Variants in SLC5A4 observed in about 807,000 individuals in gnomAD.
The protein encoded by SLC5A4 is solute carrier family 5 member 4, also known as probable glucose sensor protein SLC5A4.
A neutral mutation model predicts 70.3 loss-of-function variants in SLC5A4; 55 were observed. The observed-to-expected ratio is 0.78, with a 90% CI of 0.63 to 0.98. The LOEUF is 0.98. Among genes scored for constraint, SLC5A4 ranks in the 50% least tolerant of loss-of-function variants. SLC5A4 has a pLI of 0.00. For missense variants in SLC5A4, 735 were observed against 839.2 expected (o/e 0.88, Z 1.53); for synonymous variants, 268 against 305.7 (o/e 0.88, Z 1.29).
chr22:32,263,688 C>G, the SLC5A4 span, among the ~76,000 whole-genome samples: 1 of 152,144 alleles, frequency 6.6e-6, no homozygotes, highest in Non-Finnish European at 1.5e-5. Flanking sequence ...ACCCAGCAAT[C>G]CCATTACTGG....
chr22:32,342,438 A>C, the SLC5A4 span, among the ~76,000 whole-genome samples: 3 of 152,198 alleles, frequency 2.0e-5, no homozygotes, highest in African/African-American at 7.2e-5. Context: ...AACTATAGAG[A>C]GAAAAAAACC....
the SLC5A4 span, among the ~76,000 whole-genome samples, chr22:32,354,476 C>T: frequency 5.3e-5 from 8 of 150,154 alleles, 1 homozygote; most frequent in South Asian, 1.5e-3. Flanking sequence ...TCCCGCCCAC[C>T]GCAGGCAGAG....
the SLC5A4 span, among the ~76,000 whole-genome samples, chr22:32,345,495 T>C: frequency 6.6e-6 from 1 of 152,114 alleles, no homozygotes; most frequent in Non-Finnish European, 1.5e-5. Flanking sequence ...ATAATTTGAG[T>C]CTTTTCTTCC....
the SLC5A4 span, among the ~76,000 whole-genome samples, chr22:32,312,372 C>CAT: frequency 7.8e-6 from 1 of 127,692 alleles, no homozygotes; most frequent in African/African-American, 2.8e-5. Context: ...CGCGCACACA[C>CAT]ACACACACAC....
At chr22:32,330,919 GAGGCCTCTGGTGTGTATGTGTTGGA>G in the SLC5A4 span, among the ~76,000 whole-genome samples, 4 of 112,072 alleles carry the variant, frequency 3.6e-5, no homozygotes, top group Non-Finnish European at 7.2e-5. Context: ...GTGTGTGTTG[GAGGCCTCTGGTGTGTATGTGTTGGA>G]GGCTCTGGTG....
At chr22:32,323,425 G>C in the SLC5A4 span, among the ~76,000 whole-genome samples, 1 of 152,198 alleles carries the variant, frequency 6.6e-6, no homozygotes, top group Non-Finnish European at 1.5e-5. Flanking sequence ...GATTCTGCAA[G>C]AGGCTGGACA....
chr22:32,254,554 C>T (rs1927359901), intron 1 of SLC5A4, among the ~76,000 whole-genome samples: 1 of 152,106 alleles, frequency 6.6e-6, no homozygotes, highest in Non-Finnish European at 1.5e-5. Context: ...CCTGTAATTC[C>T]AGCACTTTGG....
At chr22:32,257,950 G>A (rs1205969213), upstream of SLC5A4, among the ~76,000 whole-genome samples, 1 of 151,656 alleles carries the variant, frequency 6.6e-6, no homozygotes, top group Admixed American at 6.6e-5. Flanking sequence ...GATTACAGGT[G>A]TGAGCCACCT....
chr22:32,239,570 T>TATATATATATA (rs1555989414), intron 5 of SLC5A4, among the ~76,000 whole-genome samples: 1 of 10,410 alleles, frequency 9.6e-5, no homozygotes. Flanking sequence ...ATATATATAT[T>TATATATATATA]TATATATATA....
the SLC5A4 span, among the ~76,000 whole-genome samples, chr22:32,308,899 CAT>C: frequency 6.6e-6 from 1 of 152,210 alleles, no homozygotes; most frequent in Non-Finnish European, 1.5e-5. Context: ...GCCTGTTGCA[CAT>C]GTTCCCAATA....
At chr22:32,347,329 A>G in the SLC5A4 span, among the ~76,000 whole-genome samples, 1 of 152,150 alleles carries the variant, frequency 6.6e-6, no homozygotes, top group Non-Finnish European at 1.5e-5. Flanking sequence ...TAGAAATACC[A>G]TTTGACCCAG....
chr22:32,263,761 G>T, the SLC5A4 span, among the ~76,000 whole-genome samples: 891 of 152,218 alleles, frequency 5.9e-3, 14 homozygotes, highest in African/African-American at 0.02. Flanking sequence ...TATTTTTATT[G>T]CGGTACTATT....
chr22:32,244,072 C>G (rs1171298832), intron 5 of SLC5A4, among the ~76,000 whole-genome samples: 1 of 152,188 alleles, frequency 6.6e-6, no homozygotes, highest in African/African-American at 2.4e-5. Flanking sequence ...TAAAATCTGA[C>G]ATTTTATCAT....
chr22:32,246,554 G>A (rs1419662366), intron 5 of SLC5A4, among the ~76,000 whole-genome samples: 1 of 152,094 alleles, frequency 6.6e-6, no homozygotes, highest in Non-Finnish European at 1.5e-5. Context: ...TTGAGATGGA[G>A]TCTCACTCTG....
intron 5 of SLC5A4, among the ~76,000 whole-genome samples, chr22:32,246,118 G>A (rs750547613): frequency 7.2e-5 from 11 of 152,204 alleles, no homozygotes; most frequent in Non-Finnish European, 1.5e-4. Context: ...ACATTTACAT[G>A]TATTGTCATA....
chr22:32,258,098 C>G (rs192274377), upstream of SLC5A4, among the ~76,000 whole-genome samples: 126 of 152,252 alleles, frequency 8.3e-4, no homozygotes, highest in African/African-American at 2.9e-3. Flanking sequence ...TGATTCTTCT[C>G]CTGCCTCAGC....
At chr22:32,270,408 C>A in the SLC5A4 span, 1 of 1,457,200 alleles carries the variant, frequency 6.9e-7, no homozygotes, top group Non-Finnish European at 9.6e-7. Context: ...GCTGCTACGA[C>A]ATGTGGACAG....
chr22:32,301,099 C>A, the SLC5A4 span, among the ~76,000 whole-genome samples: 18 of 151,998 alleles, frequency 1.2e-4, no homozygotes, highest in African/African-American at 4.4e-4. Context: ...AGTAGCTGGG[C>A]TTACAGGCGC....
At chr22:32,299,414 A>T in the SLC5A4 span, among the ~76,000 whole-genome samples, 1 of 113,852 alleles carries the variant, frequency 8.8e-6, no homozygotes, top group Non-Finnish European at 1.9e-5. Flanking sequence ...TTCATCTTCC[A>T]TCGCTGACAC....
Sources: allele counts gnomAD v4.1 joint callset (sites outside exome capture counted in the v4.1 genomes callset), GRCh38; gene constraint gnomAD v4.1.1; transcripts MANE v1.5; gene names NCBI Gene and HGNC (gene_info 2026-07-23, HGNC 2026-07-21).